ADCK1: variants seen among roughly 807,000 people sequenced by gnomAD.
ADCK1 encodes aarF domain-containing protein kinase 1.
ADCK1 carries 41 observed loss-of-function variants against 52.3 expected under a neutral mutation model. The ratio of observed to expected loss-of-function variants is 0.78; its 90% CI spans 0.61 to 1.02. The LOEUF (loss-of-function observed/expected upper bound fraction) is 1.02. ADCK1 is among the 50% of genes least tolerant of loss of function. The pLI, the probability that ADCK1 is intolerant of heterozygous loss-of-function variation, is 0.00. For synonymous variants in ADCK1, 250 were observed against 274.6 expected (o/e 0.91, Z 0.89); for missense variants, 658 against 679.5 (o/e 0.97, Z 0.35).
chr14:77,862,543 A>G (rs922925808), intron 4 of ADCK1, among the ~76,000 whole-genome samples: 1 of 152,180 alleles, frequency 6.6e-6, no homozygotes, highest in Non-Finnish European at 1.5e-5. Context: ...TACACCCTGA[A>G]TGGGCATGCA....
chr14:77,823,317 C>G (rs761472838), intron 3 of ADCK1, among the ~76,000 whole-genome samples: 1 of 152,102 alleles, frequency 6.6e-6, no homozygotes, highest in African/African-American at 2.4e-5. Context: ...ACCCCTTTGC[C>G]CCTTAGAAAA....
intron 3 of ADCK1, among the ~76,000 whole-genome samples, chr14:77,829,259 A>G (rs1396786713): frequency 3.3e-5 from 5 of 150,256 alleles, no homozygotes; most frequent in Non-Finnish European, 7.4e-5. Context: ...TCACTCACAC[A>G]TACACACACT....
intron 3 of ADCK1, among the ~76,000 whole-genome samples, chr14:77,845,951 G>A (rs2140102043): frequency 6.6e-6 from 1 of 152,284 alleles, no homozygotes; most frequent in South Asian, 2.1e-4. Flanking sequence ...CCAGGTGTGA[G>A]ATGGTGCTGG....
intron 7 of ADCK1, among the ~76,000 whole-genome samples, chr14:77,919,408 A>G (rs2083998248): frequency 6.6e-6 from 1 of 152,170 alleles, no homozygotes; most frequent in Admixed American, 6.5e-5. Context: ...GTTGCTGCAA[A>G]TGTCATTATT....
At chr14:77,892,638 G>GA (rs11439066) in intron 5 of ADCK1, among the ~76,000 whole-genome samples, 16,217 of 126,390 alleles carry the variant, frequency 0.13, 1,124 homozygotes, top group African/African-American at 0.21. Context: ...TTCTTTATCA[G>GA]AAAAAAAAAA....
chr14:77,931,572 C>T lies in ADCK1; in HGVS notation c.1261C>T (p.Leu421Phe). The change falls in exon 10 of 11, where the codon CTC becomes TTC. Residue 421 changes from leucine (L) to phenylalanine (F), a missense_variant. Leu to Phe is a conservative substitution (Grantham distance 22). Transcript: ENST00000238561. ...CTACCTCCCCCAGATCAGCCATCTC[C>T]TCAACCACGTGCCGCGCCAGATGCT... ...ANYLPQISHLLNHVPRQMLLI... is the reference protein window; with the variant it reads ...ANYLPQISHLFNHVPRQMLLI... 1.2e-6 allele frequency: 2 copies of T among 1,614,114 alleles called. No homozygotes were observed. The highest frequency in any genetic ancestry group is 1.7e-6 in the Non-Finnish European group (2 of 1,180,040).
intron 6 of ADCK1, among the ~76,000 whole-genome samples, chr14:77,904,907 G>A (rs1183365843): frequency 6.6e-6 from 1 of 152,050 alleles, no homozygotes; most frequent in Non-Finnish European, 1.5e-5. Flanking sequence ...TTCCTTCTTT[G>A]ATGGAAGAAG....
intron 3 of ADCK1, among the ~76,000 whole-genome samples, chr14:77,834,288 A>G (rs2081916966): frequency 6.6e-6 from 1 of 152,138 alleles, no homozygotes; most frequent in East Asian, 1.9e-4. Flanking sequence ...GCAAATAAAT[A>G]TTCTGGGTAC....
chr14:77,875,815 A>C (rs956871051), intron 4 of ADCK1, among the ~76,000 whole-genome samples: 1 of 152,144 alleles, frequency 6.6e-6, no homozygotes, highest in African/African-American at 2.4e-5. Context: ...CCCAGGAGGG[A>C]AACAGGGACT....
intron 1 of ADCK1, among the ~76,000 whole-genome samples, chr14:77,808,768 G>A (rs991146373): frequency 6.6e-6 from 1 of 152,138 alleles, no homozygotes; most frequent in African/African-American, 2.4e-5. Flanking sequence ...TAGAGACGGA[G>A]TTTCACCATG....
intron 6 of ADCK1, chr14:77,902,893 T>C (rs1256014193): frequency 6.6e-6 from 1 of 152,260 alleles, no homozygotes; most frequent in East Asian, 1.9e-4. Context: ...GAGGACAGTT[T>C]GAGTAGAGGA....
At chr14:77,908,050 G>A in intron 7 of ADCK1, 131 bp downstream of exon 7, 1 of 703,124 alleles carries the variant, frequency 1.4e-6, no homozygotes, top group African/African-American at 1.8e-5. Context: ...CCATTGTCTG[G>A]AGAATTATAA....
intron 3 of ADCK1, among the ~76,000 whole-genome samples, chr14:77,828,759 T>G (rs1052829147): frequency 3.3e-5 from 5 of 152,150 alleles, no homozygotes; most frequent in African/African-American, 1.2e-4. Flanking sequence ...ACTCCTGACC[T>G]CAGGTGATCT....
intron 3 of ADCK1, among the ~76,000 whole-genome samples, chr14:77,852,660 AATATATATATAT>A (rs370053776): frequency 0.2 from 6,358 of 31,378 alleles, 311 homozygotes; most frequent in East Asian, 0.37. Flanking sequence ...TAAATAAATA[AATATATATATAT>A]ATATATATAT....
At chr14:77,807,499 G>A (rs779762518) in intron 1 of ADCK1, among the ~76,000 whole-genome samples, 3 of 150,194 alleles carry the variant, frequency 2.0e-5, no homozygotes, top group Non-Finnish European at 4.4e-5. Context: ...GCGCCACCAC[G>A]CCCAGCTAAT....
At position 77,928,209 on chromosome 14, in the gene ADCK1, G is replaced by A. The variant is rs142551527; in HGVS notation, c.1206+2248G>A. 2.0e-5 allele frequency among the ~76,000 whole-genome samples: 3 copies of A among 152,222 alleles called. No individual in the cohort carries two copies. The East Asian group carries it at 5.8e-4, about 29-fold the overall frequency. On this transcript the variant is annotated intron_variant, in intron 9 of 10. Coordinates refer to ENST00000238561, the MANE Select transcript of ADCK1 (RefSeq NM_020421.4). ...GGGATGAGTTTTATGGTGGGGGATG[G>A]TGCTACTTCCTGTCGTAGGGAAGAC...
At chr14:77,835,260 T>A (rs1316133777) in intron 3 of ADCK1, among the ~76,000 whole-genome samples, 2 of 152,186 alleles carry the variant, frequency 1.3e-5, no homozygotes, top group Admixed American at 1.3e-4. Context: ...ATTTAAGACC[T>A]AAGACAAAGT....
intron 5 of ADCK1, among the ~76,000 whole-genome samples, chr14:77,891,741 C>G (rs1208351730): frequency 6.6e-6 from 1 of 152,104 alleles, no homozygotes; most frequent in East Asian, 1.9e-4. Context: ...AGGCCACCAC[C>G]CCATGGATCA....
intron 2 of ADCK1, among the ~76,000 whole-genome samples, chr14:77,821,995 A>T (rs914340704): frequency 6.6e-6 from 1 of 151,876 alleles, no homozygotes; most frequent in Non-Finnish European, 1.5e-5. Context: ...TAACAACTTT[A>T]TTCAAGTAGC....
Sources: gnomAD v4.1 joint callset for allele counts (sites outside exome capture counted in the v4.1 genomes callset) on GRCh38, gnomAD v4.1.1 for gene constraint, MANE v1.5 for transcripts, NCBI Gene and HGNC (gene_info 2026-07-23, HGNC 2026-07-21) for gene names.